Variants in ZNF540 observed in about 807,000 individuals in gnomAD.
ZNF540 encodes CTD-3064H18.6.
Under a neutral mutation model 11.8 loss-of-function variants are expected in ZNF540, and 3 were observed. The ratio of observed to expected loss-of-function variants is 0.25; its 90% CI spans 0.12 to 0.65. ZNF540 has a LOEUF of 0.65. Among genes scored for constraint, ZNF540 ranks in the 30% least tolerant of loss-of-function variants. ZNF540 has a pLI of 0.83. For missense variants in ZNF540, 709 were observed against 793.1 expected (o/e 0.89, Z 1.27); for synonymous variants, 247 against 259.0 (o/e 0.95, Z 0.45).
chr19:37,559,831 A>G lies in ZNF540; in HGVS notation c.-73+8166A>G, dbSNP rs73617131. ...TTAAAATTTTCTAAAGTTAAAACAAATTAAAGTGACAGATATATTTGCAGT... is the reference window on the plus strand; with the variant it reads ...TTAAAATTTTCTAAAGTTAAAACAAGTTAAAGTGACAGATATATTTGCAGT... On this transcript the variant is annotated intron_variant, in intron 1 of 4. Transcript: ENST00000592533. 5.9e-3 allele frequency among the ~76,000 whole-genome samples: 902 copies of G among 152,310 alleles called. 10 individuals are homozygous for G. Among genetic ancestry groups the G allele is most frequent in the African/African-American group, 0.02 (851 of 41,594 alleles).
chr19:37,551,820 A>T (rs1157786591), intron 1 of ZNF540, among the ~76,000 whole-genome samples: 2 of 73,096 alleles, frequency 2.7e-5, no homozygotes, highest in African/African-American at 1.1e-4. Flanking sequence ...CAAGTGTTGC[A>T]TGTCTGTGTG....
Position 37,613,539 on chromosome 19 carries a change from T to C in ZNF540, c.*276T>C, listed in dbSNP as rs2044149934. 5.1e-6 allele frequency: 2 copies of C among 394,800 alleles called. No homozygotes were observed. Among genetic ancestry groups the C allele is most frequent in the Non-Finnish European group, 4.5e-6 (1 of 223,018 alleles). 24.5% of individuals were successfully genotyped at this position (394,800 alleles called of 1,614,324 possible). A position where few individuals can be genotyped will look rare whatever the true frequency, so the allele number is the denominator to read the frequency against. ...TATCTGTGTGATATTAGACAAAATA[T>C]TTGCTTCTTGGTACCTCAGCTGTAA... On this transcript the variant is annotated 3_prime_UTR_variant, in exon 5 of 5. Coordinates refer to ENST00000316433, the MANE Select transcript of ZNF540 (RefSeq NM_001172225.3).
chr19:37,612,913 C>T lies in ZNF540; in HGVS notation c.1633C>T (p.His545Tyr), dbSNP rs761814083. 2 of 1,613,964 alleles carry T rather than the reference C, an allele frequency of 1.2e-6. No homozygotes were observed. The highest frequency in any genetic ancestry group is 8.5e-7 in the Non-Finnish European group (1 of 1,180,018). ...GAATCTTAAAGAACATCTGAAAATT[C>T]ATTCTGGTTTAAAACCCTATGACTG... is the stretch of plus-strand genomic sequence containing the variant. ...RGNLKEHLKIHSGLKPYDCKE... is the reference protein window; with the variant it reads ...RGNLKEHLKIYSGLKPYDCKE... The change falls in exon 5 of 5, where the codon CAT becomes TAT. Residue 545 changes from histidine to tyrosine, a missense_variant. Coordinates refer to ENST00000316433, the MANE Select transcript of ZNF540 (RefSeq NM_001172225.3).
rs774109236 is a variant in ZNF540 at position 37,612,274 on chromosome 19, T to C, written c.994T>C (p.Cys332Arg). ...TAAGAAACCCTATGAATGTAAGGAG[T>C]GTGGGAAAGCTTTTAGTGTATGCGG... ...TGKKPYECKE[C>R]GKAFSVCGQL... The change falls in exon 5 of 5, where the codon TGT becomes CGT. Residue 332 changes from cysteine (C) to arginine (R), a missense_variant. Transcript: ENST00000316433. 3.1e-6 allele frequency: 5 copies of C among 1,613,666 alleles called. No homozygotes were observed. In the East Asian group the frequency reaches 8.9e-5, roughly 29 times the overall value.
chr19:37,584,215 TG>T, intron 1 of ZNF540: 1 of 1,467,162 alleles, frequency 6.8e-7, no homozygotes, highest in East Asian at 2.3e-5. Flanking sequence ...GGAAATTGGT[TG>T]CCTAAACAGT....
chr19:37,608,094 A>G (rs1451888388), intron 4 of ZNF540, among the ~76,000 whole-genome samples: 1 of 151,896 alleles, frequency 6.6e-6, no homozygotes, highest in Non-Finnish European at 1.5e-5. Flanking sequence ...AATTTGGAGA[A>G]ATTCTCATTC....
Position 37,569,153 on chromosome 19 carries a change from A to G in ZNF540, c.-73+17488A>G, listed in dbSNP as rs1445966926. 2.0e-5 allele frequency among the ~76,000 whole-genome samples: 3 copies of G among 151,968 alleles called. No homozygotes were observed. Among genetic ancestry groups the G allele is most frequent in the Non-Finnish European group, 4.4e-5 (3 of 67,996 alleles). On this transcript the variant is annotated intron_variant, in intron 1 of 4. Coordinates refer to the ZNF540 transcript ENST00000592533. The surrounding 1 kb of genome is among the most constrained non-coding windows in gnomAD (Gnocchi z 4.4). ...TTTTTAGTAGAGATAGGCCTTCACC[A>G]TATTGGTCAGGCTGGTCTCAAATTC...
At chr19:37,561,048 C>CAAAAAAAAAAAAAAA (rs199892724) in intron 1 of ZNF540, among the ~76,000 whole-genome samples, 5 of 73,780 alleles carry the variant, frequency 6.8e-5, no homozygotes, top group African/African-American at 2.3e-4. Context: ...CCTGTCTCTA[C>CAAAAAAAAAAAAAAA]AAAAAAAAAA....
intron 1 of ZNF540, chr19:37,563,550 T>A (rs1443388796): frequency 6.6e-6 from 1 of 151,962 alleles, no homozygotes. Context: ...AATACATATG[T>A]GGAATATATA....
chr19:37,552,872 G>A (rs889017639), intron 1 of ZNF540, among the ~76,000 whole-genome samples: 2 of 151,978 alleles, frequency 1.3e-5, no homozygotes, highest in African/African-American at 4.8e-5. Flanking sequence ...ACTTGAACTC[G>A]GGAGGTAGAG....
At chr19:37,585,492 A>G (rs1374581892) in intron 1 of ZNF540, 2 of 152,234 alleles carry the variant, frequency 1.3e-5, no homozygotes, top group African/African-American at 4.8e-5. Flanking sequence ...TGACCAAGAA[A>G]GCAATGACCA....
chr19:37,553,487 T>C (rs1383223518), intron 1 of ZNF540, among the ~76,000 whole-genome samples: 1 of 152,192 alleles, frequency 6.6e-6, no homozygotes, highest in Non-Finnish European at 1.5e-5. Context: ...TTTGTAATTA[T>C]TGATATATTT....
upstream of ZNF540, among the ~76,000 whole-genome samples, chr19:37,591,796 G>A (rs904167860): frequency 3.3e-5 from 5 of 151,972 alleles, no homozygotes; most frequent in East Asian, 1.9e-4. Context: ...CGCCTGCCTC[G>A]GCCTCCCAAA....
At chr19:37,580,155 A>G (rs965241253) in intron 1 of ZNF540, among the ~76,000 whole-genome samples, 1 of 152,190 alleles carries the variant, frequency 6.6e-6, no homozygotes, top group Non-Finnish European at 1.5e-5. Context: ...GCAACCCTAC[A>G]TGGAGGTAAT....
intron 4 of ZNF540, among the ~76,000 whole-genome samples, chr19:37,604,507 C>T (rs1258299602): frequency 5.9e-5 from 9 of 151,634 alleles, no homozygotes; most frequent in Non-Finnish European, 8.8e-5. Flanking sequence ...TGGGGTTTCA[C>T]CGTGTTAGCC....
chr19:37,595,382 A>C (rs1263879146), intron 1 of ZNF540: 1 of 152,190 alleles, frequency 6.6e-6, no homozygotes, highest in East Asian at 1.9e-4. Flanking sequence ...TATAGCTTTG[A>C]GGGTGACTGA....
At chr19:37,591,236 T>G (rs944174887), upstream of ZNF540, among the ~76,000 whole-genome samples, 1 of 152,218 alleles carries the variant, frequency 6.6e-6, no homozygotes, top group Non-Finnish European at 1.5e-5. Flanking sequence ...ATGGCTCATT[T>G]CAGGGCTGGC....
At chr19:37,599,173 T>C (rs1052714180) in intron 2 of ZNF540, among the ~76,000 whole-genome samples, 2 of 141,336 alleles carry the variant, frequency 1.4e-5, no homozygotes, top group Non-Finnish European at 3.3e-5. Context: ...GATCAATCGA[T>C]TGATCGATAG....
chr19:37,554,942 AAGTT>A (rs1471906169), intron 1 of ZNF540: 1 of 152,200 alleles, frequency 6.6e-6, no homozygotes, highest in Non-Finnish European at 1.5e-5. Flanking sequence ...AGTAGGCAAA[AAGTT>A]AAAAGGATAA....
Sources: allele counts gnomAD v4.1 joint callset (sites outside exome capture counted in the v4.1 genomes callset), GRCh38; gene constraint gnomAD v4.1.1; non-coding constraint Gnocchi (gnomAD v3.1); transcripts MANE v1.5; gene names NCBI Gene and HGNC (gene_info 2026-07-23, HGNC 2026-07-21).